The following DPYD variants were observed in gnomAD, a reference collection of about 807,000 sequenced individuals.
DPYD encodes the protein dihydropyrimidine dehydrogenase, also known as dihydropyrimidine dehydrogenase [NADP(+)].
DPYD carries 109 observed loss-of-function variants against 116.2 expected under a neutral mutation model. The observed-to-expected ratio is 0.94, with a 90% CI of 0.80 to 1.10. DPYD has a LOEUF of 1.10. Ranked by LOEUF, DPYD falls within the 50% of genes least tolerant of loss-of-function variation. The pLI, the probability that DPYD is intolerant of heterozygous loss-of-function variation, is 0.00. For synonymous variants in DPYD, 440 were observed against 432.0 expected, an observed-to-expected ratio of 1.02 and a Z score of -0.23; for missense variants, 1,302 against 1,254.5, an observed-to-expected ratio of 1.04 and a Z score of -0.57.
At chr1:97,720,322 G>T in intron 5 of DPYD, 1 of 985,400 alleles carries the variant, frequency 1.0e-6, no homozygotes, top group Non-Finnish European at 1.2e-6. Flanking sequence ...GCTTGCCCTG[G>T]TTTAATGAAG....
At chr1:97,083,349 G>C (rs552690055) in intron 21 of DPYD, among the ~76,000 whole-genome samples, 80 of 152,168 alleles carry the variant, frequency 5.3e-4, no homozygotes, top group African/African-American at 1.9e-3. Context: ...TTGACTCTTA[G>C]TTAAAATCAT....
rs181921206 is a variant in DPYD, at chr1:97,618,808, T to A, written c.851-23642A>T. Among the ~76,000 whole-genome samples, 212 of 152,264 alleles carry A rather than the reference T, an allele frequency of 1.4e-3. 3 individuals are homozygous for A. The highest frequency in any genetic ancestry group is 4.9e-3 in the African/African-American group (204 of 41,560). ...ACCAACAGTTTCAACCAAGCCACCA[T>A]CACAGATTAATGAAGGGCACGGGGT... On this transcript the variant is annotated intron_variant, in intron 8 of 22. Transcript: ENST00000370192.
intron 20 of DPYD, among the ~76,000 whole-genome samples, chr1:97,155,622 A>T (rs1260870433): frequency 3.9e-5 from 6 of 152,160 alleles, no homozygotes; most frequent in Non-Finnish European, 8.8e-5. Flanking sequence ...TGTCTATTAA[A>T]TGCCTTATTT....
intron 12 of DPYD, chr1:97,546,584 C>T (rs1302333505): frequency 1.2e-6 from 2 of 1,608,058 alleles, no homozygotes; most frequent in Non-Finnish European, 8.5e-7. Flanking sequence ...TCAAAAATAA[C>T]ACATCCTGTG....
intron 13 of DPYD, among the ~76,000 whole-genome samples, chr1:97,457,807 C>T (rs1274024071): frequency 6.6e-6 from 1 of 152,134 alleles, no homozygotes; most frequent in African/African-American, 2.4e-5. Context: ...ACTTTTTCTG[C>T]AGGCTTTGAG....
At chr1:97,689,900 G>C (rs1216764119) in intron 7 of DPYD, among the ~76,000 whole-genome samples, 9 of 152,016 alleles carry the variant, frequency 5.9e-5, no homozygotes, top group Non-Finnish European at 1.2e-4. Context: ...AAGCAAATTT[G>C]AAAACATCAT....
chr1:97,467,656 G>C (rs1677408367), intron 13 of DPYD, among the ~76,000 whole-genome samples: 1 of 152,134 alleles, frequency 6.6e-6, no homozygotes, highest in African/African-American at 2.4e-5. Flanking sequence ...TGCTGAGCCA[G>C]GTGAGCAGGC....
intron 22 of DPYD, 69 bp downstream of exon 22, chr1:97,082,261 A>G: frequency 1.2e-6 from 2 of 1,600,034 alleles, no homozygotes; most frequent in Non-Finnish European, 1.7e-6. Context: ...TAGCAACAGA[A>G]AATGCTTTCT....
Position 97,306,148 on chromosome 1 carries a change from C to T in DPYD, c.2179+29G>A, listed in dbSNP as rs138637410. The T allele has an allele frequency of 1.5e-3, 2,350 of 1,611,510 alleles. 3 individuals carry two copies. Among genetic ancestry groups the T allele is most frequent in the Non-Finnish European group, 1.7e-3 (2,017 of 1,178,188 alleles). ...TAATGTGGGCCAATATTTACAATAG[C>T]GGGCAACTGATTCAAGTCAAGTTCT... On this transcript the variant is annotated intron_variant, in intron 17 of 22. Coordinates refer to ENST00000370192, the MANE Select transcript of DPYD (RefSeq NM_000110.4).
At chr1:97,592,750 TTTTC>T (rs1654610520) in intron 10 of DPYD, among the ~76,000 whole-genome samples, 1 of 152,176 alleles carries the variant, frequency 6.6e-6, no homozygotes, top group Non-Finnish European at 1.5e-5. Flanking sequence ...CATGACACCC[TTTTC>T]TTTCTATTTG....
intron 1 of DPYD, among the ~76,000 whole-genome samples, chr1:97,890,016 A>G (rs1172583810): frequency 6.6e-6 from 1 of 152,030 alleles, no homozygotes; most frequent in East Asian, 1.9e-4. Flanking sequence ...TGTCAACTAC[A>G]AATATGACAT....
chr1:97,877,884 T>C (rs1316083764), intron 2 of DPYD, among the ~76,000 whole-genome samples: 1 of 152,018 alleles, frequency 6.6e-6, no homozygotes, highest in Admixed American at 6.6e-5. Context: ...GACTGCTAGT[T>C]GTACTAATTA....
At chr1:97,410,126 G>A (rs1436965938) in intron 14 of DPYD, among the ~76,000 whole-genome samples, 1 of 150,900 alleles carries the variant, frequency 6.6e-6, no homozygotes, top group Non-Finnish European at 1.5e-5. Flanking sequence ...CCTCCTCCCA[G>A]CTCTATTTTA....
intron 8 of DPYD, among the ~76,000 whole-genome samples, chr1:97,674,266 A>C (rs1660024701): frequency 6.6e-6 from 1 of 152,222 alleles, no homozygotes; most frequent in Non-Finnish European, 1.5e-5. Context: ...AAGACTATTC[A>C]TCTCTACAAC....
At chr1:97,400,121 C>T (rs1673285515) in intron 14 of DPYD, among the ~76,000 whole-genome samples, 1 of 152,022 alleles carries the variant, frequency 6.6e-6, no homozygotes, top group East Asian at 1.9e-4. Context: ...GAGATATATC[C>T]CATCAATACC....
intron 8 of DPYD, among the ~76,000 whole-genome samples, chr1:97,642,939 G>A (rs1658021226): frequency 6.6e-6 from 1 of 151,678 alleles, no homozygotes; most frequent in South Asian, 2.1e-4. Flanking sequence ...AAATTTAAAA[G>A]ATGGATTAAA....
At chr1:97,821,456 T>C (rs1217146605) in intron 3 of DPYD, among the ~76,000 whole-genome samples, 1 of 152,080 alleles carries the variant, frequency 6.6e-6, no homozygotes, top group East Asian at 1.9e-4. Context: ...TCAAATCCCT[T>C]TGGCATGATT....
chr1:97,499,858 C>T (rs1239697835), intron 13 of DPYD, among the ~76,000 whole-genome samples: 1 of 151,842 alleles, frequency 6.6e-6, no homozygotes, highest in African/African-American at 2.4e-5. Flanking sequence ...ACTTGTGGTT[C>T]TTTGTTACAA....
intron 3 of DPYD, among the ~76,000 whole-genome samples, chr1:97,819,368 C>T (rs1479525048): frequency 6.6e-6 from 1 of 151,808 alleles, no homozygotes; most frequent in Non-Finnish European, 1.5e-5. Flanking sequence ...TGAATCCAAT[C>T]TCACTGCTCA....
Sources: gnomAD v4.1 joint callset for allele counts (sites outside exome capture counted in the v4.1 genomes callset) on GRCh38, gnomAD v4.1.1 for gene constraint, MANE v1.5 for transcripts, NCBI Gene and HGNC (gene_info 2026-07-23, HGNC 2026-07-21) for gene names.